CFAP54: variants seen among roughly 807,000 people sequenced by gnomAD.
The protein encoded by CFAP54 is cilia and flagella associated protein 54.
Under a neutral mutation model 370.4 loss-of-function variants are expected in CFAP54, and 290 were observed. The ratio of observed to expected loss-of-function variants is 0.78; its 90% CI spans 0.71 to 0.86. The LOEUF (loss-of-function observed/expected upper bound fraction) is 0.86. Ranked by LOEUF, CFAP54 falls within the 40% of genes least tolerant of loss-of-function variation. The pLI, the probability that CFAP54 is intolerant of heterozygous loss-of-function variation, is 0.00. For missense variants in CFAP54, 3,399 were observed against 3,528.7 expected (o/e 0.96, Z 0.93); for synonymous variants, 1,206 against 1,236.5 (o/e 0.98, Z 0.52).
At chr12:96,525,291 AT>A (rs1955366862) in intron 8 of CFAP54, among the ~76,000 whole-genome samples, 1 of 151,754 alleles carries the variant, frequency 6.6e-6, no homozygotes, top group Non-Finnish European at 1.5e-5. Flanking sequence ...AGGGATTTTA[AT>A]TTTTAAAATA....
intron 67 of CFAP54, among the ~76,000 whole-genome samples, chr12:96,869,450 A>G (rs1035510011): frequency 3.3e-5 from 5 of 152,184 alleles, no homozygotes; most frequent in Admixed American, 2.6e-4. Context: ...CCACAAGTAC[A>G]TAGTTCCGCT....
intron 32 of CFAP54, among the ~76,000 whole-genome samples, chr12:96,632,396 A>G (rs1956619010): frequency 6.6e-6 from 1 of 151,930 alleles, no homozygotes; most frequent in Admixed American, 6.6e-5. Flanking sequence ...TGATTTTCAC[A>G]TTTAGGAATT....
rs556530859 is a variant in CFAP54, at chr12:96,857,312, C to A, written c.9172-3507C>A. Among the ~76,000 whole-genome samples, 3 of 152,306 alleles carry A rather than the reference C, an allele frequency of 2.0e-5. No homozygotes were observed. In the East Asian group the frequency reaches 5.8e-4, roughly 29 times the overall value. On this transcript the variant is annotated intron_variant, in intron 66 of 67. Transcript: ENST00000524981. ...CTCCCACCTTCTACCCTCAAGTAGA[C>A]CCTGGTGTCTGTTGTTTCCTTCTTT...
Position 96,743,551 on chromosome 12 carries a change from A to G in CFAP54, c.7369A>G (p.Asn2457Asp), listed in dbSNP as rs768109676. The G allele has an allele frequency of 6.2e-7, 1 of 1,613,976 alleles. No homozygotes were observed. Among genetic ancestry groups the G allele is most frequent in the Non-Finnish European group, 8.5e-7 (1 of 1,179,912 alleles). Residue 2457 changes from asparagine (N) to aspartate (D), a missense_variant, in exon 53 of 68, where the codon AAC becomes GAC. By Grantham distance (23) the Asn-to-Asp change is conservative. Transcript: ENST00000524981. Reference protein sequence around the residue: ...EKHLKADIMTNLQDIIHLLEG... With the variant: ...EKHLKADIMTDLQDIIHLLEG... ...GCATTTAAAGGCAGACATCATGACA[A>G]ACCTTCAGGTAGAAAGGAAACTTTG...
chr12:96,749,054 G>T (rs1958153514), intron 55 of CFAP54, among the ~76,000 whole-genome samples: 1 of 152,152 alleles, frequency 6.6e-6, no homozygotes, highest in African/African-American at 2.4e-5. Flanking sequence ...AAAAATGGGA[G>T]TTTTTACAGT....
Position 96,821,597 on chromosome 12 carries a change from C to T in CFAP54, c.9096+3684C>T, listed in dbSNP as rs182540870. ...ACCAGACAGAAGGAACACTAATATT[C>T]GTTTAGGTGAATTGGCAAGCAAATT... On this transcript the variant is annotated intron_variant, in intron 65 of 67. Transcript: ENST00000524981. Among the ~76,000 whole-genome samples, 74 of 151,308 alleles carry T rather than the reference C, an allele frequency of 4.9e-4. 1 individual carries two copies. The highest frequency in any genetic ancestry group is 3.9e-3 in the Admixed American group (59 of 15,152).
intron 28 of CFAP54, among the ~76,000 whole-genome samples, 152 bp downstream of exon 28, chr12:96,624,033 G>A (rs949498356): frequency 3.3e-5 from 5 of 152,160 alleles, no homozygotes; most frequent in Admixed American, 1.3e-4. Flanking sequence ...ACAATACCCT[G>A]TTAATAAGGG....
At chr12:96,664,814 G>GATATATATATCTATATATATCTATATAT (rs1302346655) in intron 39 of CFAP54, among the ~76,000 whole-genome samples, 4 of 25,498 alleles carry the variant, frequency 1.6e-4, no homozygotes, top group African/African-American at 8.3e-4. Flanking sequence ...TATATATATA[G>GATATATATATCTATATATATCTATATAT]ATATATATAT....
chr12:96,787,577 G>A (rs556314868), intron 62 of CFAP54, among the ~76,000 whole-genome samples: 1 of 152,268 alleles, frequency 6.6e-6, no homozygotes, highest in Non-Finnish European at 1.5e-5. Flanking sequence ...CACTGAAAAA[G>A]TAAAGGATTT....
In CFAP54 at chr12:96,743,823, C is replaced by T; in HGVS notation, c.7470C>T (p.Thr2490=). The T allele has an allele frequency of 6.2e-7, 1 of 1,613,810 alleles. No individual in the cohort carries two copies. The highest frequency in any genetic ancestry group is 8.5e-7 in the Non-Finnish European group (1 of 1,179,856). ...GCCTAGTTTTGCTGGATGACTTAAC[C>T]AAAGCTGAGAAATTCAAGGAATCTC... ...ARSLVLLDDL[T]KAEKFKESPS... is the part of the protein sequence containing the mutation. Residue 2490 remains threonine, a synonymous_variant, in exon 54 of 68, where the codon ACC becomes ACT. Coordinates refer to ENST00000524981, the MANE Select transcript of CFAP54 (RefSeq NM_001306084.2).
intron 50 of CFAP54, among the ~76,000 whole-genome samples, chr12:96,734,721 A>G (rs1957960179): frequency 6.6e-6 from 1 of 152,182 alleles, no homozygotes; most frequent in Admixed American, 6.5e-5. Context: ...TTTTAAGTAG[A>G]AAAAAATACA....
chr12:96,577,809 C>A (rs945779780), intron 20 of CFAP54, among the ~76,000 whole-genome samples: 19 of 152,018 alleles, frequency 1.2e-4, no homozygotes, highest in African/African-American at 4.6e-4. Context: ...GCCTGTAATC[C>A]CAGTACTTTG....
rs1472348621 is a variant in CFAP54 at position 96,554,299 on chromosome 12, T to C, written c.2272T>C (p.Cys758Arg). Residue 758 changes from cysteine (C) to arginine (R), a missense_variant, in exon 16 of 68, where the codon TGC becomes CGC. This residue lies in a region of CFAP54 where 2,796 missense variants were observed against 2,869.7 expected (regional missense o/e 0.97). Transcript: ENST00000524981. ...LPNGSSVIDH[C>R]YAKRTHHIDG... ...AAATGGATCATCAGTAATTGACCACTGCTATGCCAAGGTAAGAATGGAAGA... is the reference window on the plus strand; with the variant it reads ...AAATGGATCATCAGTAATTGACCACCGCTATGCCAAGGTAAGAATGGAAGA... 2.6e-6 allele frequency: 4 copies of C among 1,515,674 alleles called. No individual in the cohort carries two copies. The South Asian group carries it at 3.8e-5, about 14-fold the overall frequency. 93.9% of individuals were successfully genotyped at this position (1,515,674 alleles called of 1,614,324 possible).
chr12:96,860,787 C>A (rs557458642), intron 66 of CFAP54, 32 bp from the exon 67 acceptor site: 19 of 1,493,016 alleles, frequency 1.3e-5, no homozygotes, highest in Admixed American at 9.5e-5. Context: ...TGAAACAATG[C>A]ATTTCATGAA....
At chr12:96,831,241 A>C (rs1245458806) in intron 66 of CFAP54, among the ~76,000 whole-genome samples, 1 of 152,182 alleles carries the variant, frequency 6.6e-6, no homozygotes, top group Non-Finnish European at 1.5e-5. Context: ...ACTCTCCTAG[A>C]GCTACTATTT....
chr12:96,493,740 T>A (rs189186256), intron 1 of CFAP54, among the ~76,000 whole-genome samples: 1 of 152,174 alleles, frequency 6.6e-6, no homozygotes, highest in East Asian at 1.9e-4. Context: ...GGAGGTTGCA[T>A]TGAGCCAAGA....
rs146978940 is a variant in CFAP54, at chr12:96,638,943, G to A, written c.4317-5235G>A. Among the ~76,000 whole-genome samples the A allele has an allele frequency of 9.6e-3, 1,459 of 152,288 alleles. 12 individuals are homozygous for A. The highest frequency in any genetic ancestry group is 0.015 in the Non-Finnish European group (1,048 of 68,018). On this transcript the variant is annotated intron_variant, in intron 32 of 67. Coordinates refer to ENST00000524981, the MANE Select transcript of CFAP54 (RefSeq NM_001306084.2). ...TGTCTCTATTTCCTTCAGTTCTGCT[G>A]TGATCTTGGTTATTTCTTGCCGTCT...
chr12:96,652,736 C>T (rs1296421675), intron 36 of CFAP54, among the ~76,000 whole-genome samples: 1 of 151,996 alleles, frequency 6.6e-6, no homozygotes, highest in Non-Finnish European at 1.5e-5. Flanking sequence ...CACATGTACC[C>T]GTCTACCAGG....
In CFAP54 at chr12:96,560,823, T is replaced by C. The variant is rs369152122; in HGVS notation, c.2411-3645T>C. ...GAATATCCTGTTCCCCAACAGACTT[T>C]CACCCAATGGTCTTACTCCCTCCAT... On this transcript the variant is annotated intron_variant, in intron 17 of 67. Coordinates refer to ENST00000524981, the MANE Select transcript of CFAP54 (RefSeq NM_001306084.2). 3.2e-4 allele frequency among the ~76,000 whole-genome samples: 49 copies of C among 152,358 alleles called. No homozygotes were observed. The East Asian group carries it at 8.7e-3, about 27-fold the overall frequency.
Sources: gnomAD v4.1 joint callset for allele counts (sites outside exome capture counted in the v4.1 genomes callset) on GRCh38, gnomAD v4.1.1 for gene constraint, gnomAD v4.1.1 regional missense constraint, MANE v1.5 for transcripts, NCBI Gene and HGNC (gene_info 2026-07-23, HGNC 2026-07-21) for gene names.